The following PTPRD variants were observed in gnomAD, a reference collection of about 807,000 sequenced individuals.
PTPRD encodes the protein protein tyrosine phosphatase receptor type D.
Under a neutral mutation model 214.5 loss-of-function variants are expected in PTPRD, and 34 were observed. The ratio of observed to expected loss-of-function variants is 0.16; its 90% CI spans 0.12 to 0.21. The LOEUF is 0.21. Among genes scored for constraint, PTPRD ranks in the 10% least tolerant of loss-of-function variants. The probability of loss-of-function intolerance (pLI) is 1.00; values close to 1 mark genes in which losing one functional copy is unlikely to be tolerated. For missense variants in PTPRD, 2,545 were observed against 2,398.7 expected (o/e 1.06, Z -1.27); for synonymous variants, 1,128 against 845.7 (o/e 1.33, Z -5.79).
At chr9:8,510,451 A>G (rs1405963637) in intron 21 of PTPRD, among the ~76,000 whole-genome samples, 1 of 152,198 alleles carries the variant, frequency 6.6e-6, no homozygotes, top group Non-Finnish European at 1.5e-5. Flanking sequence ...GGCCATGCTC[A>G]GTGACAGCAG....
intron 7 of PTPRD, among the ~76,000 whole-genome samples, chr9:9,722,915 C>A (rs1353910841): frequency 1.3e-5 from 2 of 151,922 alleles, no homozygotes; most frequent in African/African-American, 4.8e-5. Flanking sequence ...TTGAGTTGAG[C>A]TCTTTATATA....
intron 10 of PTPRD, among the ~76,000 whole-genome samples, chr9:9,041,237 G>C (rs995496225): frequency 1.3e-5 from 2 of 152,038 alleles, no homozygotes; most frequent in Admixed American, 1.3e-4. Flanking sequence ...TTTAAGCTCA[G>C]GGGTACAGGT....
At chr9:10,602,893 T>C (rs1222423882) in intron 2 of PTPRD, among the ~76,000 whole-genome samples, 8 of 151,794 alleles carry the variant, frequency 5.3e-5, no homozygotes, top group Non-Finnish European at 1.5e-5. Context: ...TGGGACCCTG[T>C]TGATCCTAAA....
At chr9:9,942,947 T>G (rs548395276) in intron 4 of PTPRD, among the ~76,000 whole-genome samples, 1 of 150,820 alleles carries the variant, frequency 6.6e-6, no homozygotes, top group South Asian at 2.2e-4. Context: ...CAATCCCATA[T>G]ATGAAAACTG....
chr9:9,078,375 C>A (rs1047400268), intron 10 of PTPRD, among the ~76,000 whole-genome samples: 1 of 152,000 alleles, frequency 6.6e-6, no homozygotes, highest in East Asian at 1.9e-4. Context: ...TACAACATTC[C>A]TTTCCAGAAT....
intron 14 of PTPRD, among the ~76,000 whole-genome samples, chr9:8,613,268 G>A (rs1011909768): frequency 1.3e-4 from 20 of 152,094 alleles, no homozygotes; most frequent in African/African-American, 4.1e-4. Flanking sequence ...AAAGAGAAAT[G>A]GCATTCTTTC....
chr9:9,516,571 C>CAT, intron 8 of PTPRD, among the ~76,000 whole-genome samples: 1 of 151,288 alleles, frequency 6.6e-6, no homozygotes, highest in Non-Finnish European at 1.5e-5. Flanking sequence ...TGGATTCTTG[C>CAT]TCTGTTGCCA....
intron 34 of PTPRD, among the ~76,000 whole-genome samples, chr9:8,447,679 G>A (rs1174593010): frequency 1.3e-5 from 2 of 152,134 alleles, no homozygotes; most frequent in African/African-American, 4.8e-5. Context: ...GTTGGTGCGA[G>A]AGGAGGTGAG....
At chr9:8,771,439 G>A (rs949657628) in intron 11 of PTPRD, among the ~76,000 whole-genome samples, 1 of 152,248 alleles carries the variant, frequency 6.6e-6, no homozygotes, top group East Asian at 1.9e-4. Flanking sequence ...TGCTTTGTGT[G>A]TCATGGTAAA....
chr9:8,341,501 C>A (rs894084291), intron 40 of PTPRD, among the ~76,000 whole-genome samples, 192 bp downstream of exon 40: 3 of 151,910 alleles, frequency 2.0e-5, no homozygotes, highest in Non-Finnish European at 4.4e-5. Flanking sequence ...GACATAAGGG[C>A]TCAAGATATT....
intron 8 of PTPRD, among the ~76,000 whole-genome samples, chr9:9,425,438 T>G (rs868271945): frequency 6.8e-6 from 1 of 146,924 alleles, no homozygotes; most frequent in Admixed American, 6.8e-5. Context: ...ATCTTATACA[T>G]TATATAATTT....
intron 14 of PTPRD, among the ~76,000 whole-genome samples, chr9:8,556,018 G>A (rs1404542643): frequency 6.6e-6 from 1 of 152,178 alleles, no homozygotes; most frequent in African/African-American, 2.4e-5. Context: ...TGTCTTGGCG[G>A]ATCTGGAAAG....
chr9:9,410,887 A>C (rs1023820067), intron 8 of PTPRD, among the ~76,000 whole-genome samples: 5 of 152,180 alleles, frequency 3.3e-5, no homozygotes, highest in African/African-American at 1.2e-4. Context: ...GTTGTGCTAC[A>C]AACAGAAGCT....
At chr9:8,351,647 T>C (rs1427833313) in intron 39 of PTPRD, among the ~76,000 whole-genome samples, 3 of 148,696 alleles carry the variant, frequency 2.0e-5, no homozygotes, top group Non-Finnish European at 4.4e-5. Flanking sequence ...AGCCCAGACT[T>C]AGTCCTGCCA....
At chr9:9,181,498 C>T (rs564244499) in intron 10 of PTPRD, among the ~76,000 whole-genome samples, 2 of 151,904 alleles carry the variant, frequency 1.3e-5, no homozygotes, top group South Asian at 2.1e-4. Flanking sequence ...ACAATAATAA[C>T]ATCTACAAAC....
intron 7 of PTPRD, among the ~76,000 whole-genome samples, chr9:9,671,303 T>C (rs1299388794): frequency 2.0e-5 from 3 of 152,192 alleles, no homozygotes; most frequent in East Asian, 1.9e-4. Flanking sequence ...GGAATGGCTA[T>C]AGTTACCCAA....
chr9:9,319,200 C>T (rs1056509723), intron 9 of PTPRD, among the ~76,000 whole-genome samples: 2 of 152,292 alleles, frequency 1.3e-5, no homozygotes, highest in South Asian at 2.1e-4. Flanking sequence ...TGAATGCTGC[C>T]TTTCTTCCTT....
intron 12 of PTPRD, among the ~76,000 whole-genome samples, chr9:8,651,256 C>G (rs1378036390): frequency 1.3e-5 from 2 of 152,128 alleles, no homozygotes; most frequent in East Asian, 3.9e-4. Context: ...GTGGCCCCGC[C>G]CATTCACAAA....
chr9:8,575,080 G>A (rs1185997426), intron 14 of PTPRD, among the ~76,000 whole-genome samples: 3 of 152,032 alleles, frequency 2.0e-5, no homozygotes, highest in African/African-American at 4.8e-5. Flanking sequence ...AACTGTCCTC[G>A]TACTCTACGA....
Sources: gnomAD v4.1 joint callset for allele counts (sites outside exome capture counted in the v4.1 genomes callset) on GRCh38, gnomAD v4.1.1 for gene constraint, MANE v1.5 for transcripts, NCBI Gene and HGNC (gene_info 2026-07-23, HGNC 2026-07-21) for gene names.